Variants in CRYBG1 observed in about 807,000 individuals in gnomAD.
CRYBG1 encodes the protein crystallin beta-gamma domain containing 1, also known as beta/gamma crystallin domain-containing protein 1.
Under a neutral mutation model 189.2 loss-of-function variants are expected in CRYBG1, and 139 were observed. The observed-to-expected ratio is 0.73, with a 90% CI of 0.64 to 0.85. The LOEUF (loss-of-function observed/expected upper bound fraction) is 0.85. CRYBG1 is among the 40% of genes least tolerant of loss of function. The pLI is 0.00. For missense variants in CRYBG1, 2,611 were observed against 2,675.8 expected, an observed-to-expected ratio of 0.98 and a Z score of 0.53; for synonymous variants, 1,023 against 1,017.1, an observed-to-expected ratio of 1.01 and a Z score of -0.11.
At chr6:106,496,134 G>A (rs554745353) in intron 2 of CRYBG1, among the ~76,000 whole-genome samples, 44 of 152,238 alleles carry the variant, frequency 2.9e-4, no homozygotes, top group Admixed American at 9.1e-4. Context: ...AAAATTTATT[G>A]GAGACACTGG....
At chr6:106,535,766 T>TAGAGAGTGTGCCACATTCTAGA (rs1773992406) in intron 8 of CRYBG1, among the ~76,000 whole-genome samples, 2,125 of 7,894 alleles carry the variant, frequency 0.27, 936 homozygotes, top group Admixed American at 0.36. Context: ...ACTTTTTTTT[T>TAGAGAGTGTGCCACATTCTAGA]TTTTTTTTTT....
chr6:106,571,910 G>GT lies in CRYBG1; in HGVS notation c.*3347dup. 4.9e-6 allele frequency: 4 copies of GT among 811,848 alleles called. No homozygotes were observed. Among genetic ancestry groups the GT allele is most frequent in the Non-Finnish European group, 8.4e-6 (4 of 478,242 alleles). The allele number at this position is 811,848 out of a possible 1,614,324, so 50.3% of individuals were successfully genotyped here. On this transcript the variant is annotated 3_prime_UTR_variant, in exon 22 of 22. Transcript: ENST00000633556. Reference sequence around the variant, plus strand: ...AATGTATAATCTAATCTGGAAAAATGTTTGAAAGGGATGGCTAGAAAAAAA... The same window carrying GT: ...AATGTATAATCTAATCTGGAAAAATGTTTTGAAAGGGATGGCTAGAAAAAAA...
chr6:106,472,775 G>A lies in CRYBG1; in HGVS notation c.312+20943G>A, dbSNP rs955140733. Among the ~76,000 whole-genome samples, 7 of 151,508 alleles carry A rather than the reference G, an allele frequency of 4.6e-5. No homozygotes were observed. In the South Asian group the frequency reaches 8.4e-4, roughly 18 times the overall value. ...AAAAATTAGCCAGGTGTGGTGGCACGTGCCTGTAGTCCCAGCTACTCGGGA... is the reference window on the plus strand; with the variant it reads ...AAAAATTAGCCAGGTGTGGTGGCACATGCCTGTAGTCCCAGCTACTCGGGA... On this transcript the variant is annotated intron_variant, in intron 2 of 21. Coordinates refer to ENST00000633556, the MANE Select transcript of CRYBG1 (RefSeq NM_001371242.2).
rs1774082586 is a variant in CRYBG1 at position 106,539,521 on chromosome 6, CT to C, written c.4838del (p.Leu1613ArgfsTer16). 6.2e-7 allele frequency: 1 copy of C among 1,608,970 alleles called. No homozygotes were observed. Among genetic ancestry groups the C allele is most frequent in the South Asian group, 1.1e-5 (1 of 90,140 alleles). On this transcript the variant is annotated frameshift_variant, in exon 9 of 22. Transcript: ENST00000633556. LOFTEE classifies it high-confidence loss of function. ...EEAYIGSMRP[L>X]KMGGRKVEFP... ...AGCGTACATTGGATCCATGCGGCCTCTGAAAATGGTAAAAATGAAATCCAAA... is the reference window on the plus strand; with the variant it reads ...AGCGTACATTGGATCCATGCGGCCTCGAAAATGGTAAAAATGAAATCCAAA...
intron 2 of CRYBG1, among the ~76,000 whole-genome samples, chr6:106,453,573 TA>T (rs1297188051): frequency 1.3e-5 from 2 of 152,268 alleles, no homozygotes; most frequent in East Asian, 3.8e-4. Context: ...TTGTTTCCTA[TA>T]TTTTTCCTTC....
intron 2 of CRYBG1, among the ~76,000 whole-genome samples, chr6:106,467,009 G>A (rs566945759): frequency 6.6e-6 from 1 of 152,216 alleles, no homozygotes; most frequent in Non-Finnish European, 1.5e-5. Context: ...GAAACCGACT[G>A]AGAGGCCGCT....
chr6:106,497,751 C>T (rs966938761), intron 2 of CRYBG1, among the ~76,000 whole-genome samples: 2 of 152,212 alleles, frequency 1.3e-5, no homozygotes, highest in Non-Finnish European at 1.5e-5. Flanking sequence ...CAATTATCAC[C>T]TCACATGACT....
chr6:106,398,516 A>G (rs1770656939), intron 1 of CRYBG1, among the ~76,000 whole-genome samples: 1 of 152,232 alleles, frequency 6.6e-6, no homozygotes, highest in African/African-American at 2.4e-5. Flanking sequence ...AAGCCAATTC[A>G]GTAATTGGTA....
chr6:106,545,219 T>C lies in CRYBG1; in HGVS notation c.5312+286T>C, dbSNP rs1190334317. 4.6e-5 allele frequency among the ~76,000 whole-genome samples: 7 copies of C among 152,232 alleles called. No individual in the cohort carries two copies. In the East Asian group the frequency reaches 1.3e-3, roughly 29 times the overall value. ...TTCTGCACAGAAAGATAGTGAATTT[T>C]TTAAATGATGGAGATCAAATAATAA... On this transcript the variant is annotated intron_variant, in intron 13 of 21. Transcript: ENST00000633556.
chr6:106,512,714 C>T lies in CRYBG1; in HGVS notation c.1597C>T (p.Pro533Ser), dbSNP rs1773317676. The T allele has an allele frequency of 6.4e-7, 1 of 1,552,720 alleles. No homozygotes were observed. The highest frequency in any genetic ancestry group is 2.4e-5 in the East Asian group (1 of 41,896). The part of the protein sequence containing the change: ...EAVPAPPASG[P>S]RAPAKESPPK... ...CGTGCCCGCCCCGCCCGCCAGCGGC[C>T]CCCGGGCTCCCGCCAAGGAGTCCCC... Residue 533 changes from proline (P) to serine (S), a missense_variant, in exon 3 of 22, where the codon CCC becomes TCC. Coordinates refer to ENST00000633556, the MANE Select transcript of CRYBG1 (RefSeq NM_001371242.2).
chr6:106,543,356 C>A, intron 10 of CRYBG1, 84 bp from the exon 11 acceptor site: 1 of 1,367,476 alleles, frequency 7.3e-7, no homozygotes, highest in Non-Finnish European at 1.0e-6. Flanking sequence ...TGTGTCAGGA[C>A]TTAGTGATAT....
At chr6:106,367,679 T>G (rs999612155) in intron 1 of CRYBG1, among the ~76,000 whole-genome samples, 1 of 151,820 alleles carries the variant, frequency 6.6e-6, no homozygotes, top group African/African-American at 2.4e-5. Context: ...AAATCTTATT[T>G]TTAGGTCAGC....
chr6:106,496,246 C>T (rs1320412653), intron 2 of CRYBG1, among the ~76,000 whole-genome samples: 1 of 152,156 alleles, frequency 6.6e-6, no homozygotes, highest in African/African-American at 2.4e-5. Context: ...TACATAAGAC[C>T]TATTAAACTT....
At chr6:106,458,835 A>G (rs1186252921) in intron 2 of CRYBG1, among the ~76,000 whole-genome samples, 1 of 152,188 alleles carries the variant, frequency 6.6e-6, no homozygotes, top group Non-Finnish European at 1.5e-5. Flanking sequence ...CACAGAGCAC[A>G]GTGGCATAGG....
chr6:106,525,793 G>A (rs1278546459), intron 6 of CRYBG1, among the ~76,000 whole-genome samples: 6 of 150,600 alleles, frequency 4.0e-5, no homozygotes, highest in Non-Finnish European at 5.9e-5. Flanking sequence ...TTGAGAACAC[G>A]TAGGAAAAGG....
chr6:106,385,268 A>G (rs561635895), intron 1 of CRYBG1, among the ~76,000 whole-genome samples: 4 of 152,326 alleles, frequency 2.6e-5, no homozygotes, highest in Non-Finnish European at 4.4e-5. Flanking sequence ...GAGCTGCTCA[A>G]ACAGACATGG....
At chr6:106,368,408 C>T (rs568158152) in intron 1 of CRYBG1, among the ~76,000 whole-genome samples, 10 of 152,102 alleles carry the variant, frequency 6.6e-5, no homozygotes, top group Non-Finnish European at 1.0e-4. Flanking sequence ...ATGAGAAGAT[C>T]GTTTGAAGCT....
At chr6:106,462,257 G>A (rs963549823) in intron 2 of CRYBG1, among the ~76,000 whole-genome samples, 24 of 152,086 alleles carry the variant, frequency 1.6e-4, no homozygotes, top group Non-Finnish European at 5.9e-5. Flanking sequence ...TGCAAGCTCC[G>A]CCTCCCGGGT....
chr6:106,444,404 C>T (rs1379096328), intron 1 of CRYBG1, among the ~76,000 whole-genome samples: 1 of 152,164 alleles, frequency 6.6e-6, no homozygotes, highest in Non-Finnish European at 1.5e-5. Context: ...TTGATAAAAC[C>T]GAGCCGTTCC....
Sources: allele counts gnomAD v4.1 joint callset (sites outside exome capture counted in the v4.1 genomes callset), GRCh38; gene constraint gnomAD v4.1.1; transcripts MANE v1.5; gene names NCBI Gene and HGNC (gene_info 2026-07-23, HGNC 2026-07-21).